PLA2G4A: variants seen among roughly 807,000 people sequenced by gnomAD.
PLA2G4A encodes the protein phospholipase A2 group IVA.
PLA2G4A carries 40 observed loss-of-function variants against 81.9 expected under a neutral mutation model. The ratio of observed to expected loss-of-function variants is 0.49; its 90% CI spans 0.38 to 0.64. The LOEUF is 0.64. PLA2G4A is among the 30% of genes least tolerant of loss of function. The pLI, the probability that PLA2G4A is intolerant of heterozygous loss-of-function variation, is 0.00. For missense variants in PLA2G4A, 715 were observed against 905.1 expected, an observed-to-expected ratio of 0.79 and a Z score of 2.69; for synonymous variants, 302 against 296.9, an observed-to-expected ratio of 1.02 and a Z score of -0.18.
In PLA2G4A at chr1:186,863,430, A is replaced by G. The variant is rs182056524; in HGVS notation, c.34-7005A>G. ...TGTTCCATTGTATTATACATTGTGT[A>G]ATAATTAAATCAAGATTTGTAGCAT... is the stretch of plus-strand genomic sequence containing the variant. On this transcript the variant is annotated intron_variant, in intron 2 of 17. Coordinates refer to ENST00000367466, the MANE Select transcript of PLA2G4A (RefSeq NM_024420.3). Among the ~76,000 whole-genome samples, 126 of 152,324 alleles carry G rather than the reference A, an allele frequency of 8.3e-4. 1 individual carries two copies. The highest frequency in any genetic ancestry group is 1.6e-3 in the Non-Finnish European group (107 of 68,038).
chr1:186,871,463 G>A (rs1018218824), intron 3 of PLA2G4A, among the ~76,000 whole-genome samples: 4 of 152,134 alleles, frequency 2.6e-5, no homozygotes, highest in Non-Finnish European at 5.9e-5. Flanking sequence ...AGAGAACAGA[G>A]ATTGCAATGT....
At chr1:186,922,588 A>T (rs1248870090) in intron 7 of PLA2G4A, among the ~76,000 whole-genome samples, 1 of 152,168 alleles carries the variant, frequency 6.6e-6, no homozygotes, top group Non-Finnish European at 1.5e-5. Context: ...CCCTGCAGGG[A>T]TGCTCCACAG....
At chr1:186,861,983 T>A (rs188518451) in intron 2 of PLA2G4A, among the ~76,000 whole-genome samples, 6 of 149,186 alleles carry the variant, frequency 4.0e-5, no homozygotes, top group Non-Finnish European at 7.4e-5. Flanking sequence ...TTAATTTATA[T>A]ATAATTATAT....
intron 15 of PLA2G4A, among the ~76,000 whole-genome samples, chr1:186,973,766 C>G (rs72714308): frequency 0.012 from 1,783 of 152,178 alleles, 22 homozygotes; most frequent in Middle Eastern, 0.037. Flanking sequence ...TACTAGCATG[C>G]CTTTTATTAA....
intron 14 of PLA2G4A, among the ~76,000 whole-genome samples, chr1:186,958,165 T>A (rs1173695694): frequency 6.6e-6 from 1 of 152,170 alleles, no homozygotes; most frequent in African/African-American, 2.4e-5. Flanking sequence ...TTTTGTGTTA[T>A]GTTTATGGCA....
intron 5 of PLA2G4A, among the ~76,000 whole-genome samples, chr1:186,904,939 C>T (rs1654681499): frequency 6.6e-6 from 1 of 152,102 alleles, no homozygotes; most frequent in Non-Finnish European, 1.5e-5. Context: ...ACTGCAACCT[C>T]CGCCTGCTGG....
chr1:186,949,314 AGAAG>A lies in PLA2G4A; in HGVS notation c.1265-1327_1265-1324del, dbSNP rs759733882. Among the ~76,000 whole-genome samples the A allele has an allele frequency of 6.0e-3, 867 of 144,132 alleles. 4 individuals are homozygous for A. The highest frequency in any genetic ancestry group is 8.5e-3 in the Non-Finnish European group (545 of 64,140). The allele number at this position is 144,132 out of a possible 152,430, so 94.6% of individuals were successfully genotyped here. On this transcript the variant is annotated intron_variant, in intron 12 of 17. Transcript: ENST00000367466. ...AAGAAGGAAAAAGAAAGAAAGAGAA[AGAAG>A]GAAGGAAGGAAGGAAAGAAGAAAGA...
At chr1:186,843,075 A>G (rs1014416424) in intron 1 of PLA2G4A, among the ~76,000 whole-genome samples, 2 of 152,146 alleles carry the variant, frequency 1.3e-5, no homozygotes, top group African/African-American at 4.8e-5. Context: ...ATTCTTTTGT[A>G]GAGATTGGTT....
chr1:186,944,691 A>G (rs1385517814), intron 10 of PLA2G4A, among the ~76,000 whole-genome samples: 4 of 152,196 alleles, frequency 2.6e-5, no homozygotes, highest in South Asian at 2.1e-4. Context: ...TGAACAAACA[A>G]TAAATATAGA....
At chr1:186,848,664 G>T (rs1652269849) in intron 1 of PLA2G4A, among the ~76,000 whole-genome samples, 1 of 152,074 alleles carries the variant, frequency 6.6e-6, no homozygotes, top group South Asian at 2.1e-4. Context: ...GAGATTAAAT[G>T]CCATGAGTCA....
chr1:186,987,996 C>T lies in PLA2G4A; in HGVS notation c.2119-381C>T, dbSNP rs563923111. Among the ~76,000 whole-genome samples the T allele has an allele frequency of 8.5e-5, 13 of 152,216 alleles. No homozygotes were observed. In the Middle Eastern group the frequency reaches 0.017, roughly 199 times the overall value. ...TTCCTGGTGGTCTTTTTCTACTTGC[C>T]CACTAATTATAAAGAACATAAATTA... On this transcript the variant is annotated intron_variant, in intron 17 of 17. Coordinates refer to ENST00000367466, the MANE Select transcript of PLA2G4A (RefSeq NM_024420.3).
intron 1 of PLA2G4A, among the ~76,000 whole-genome samples, chr1:186,840,763 G>C (rs565606553): frequency 6.6e-6 from 1 of 152,230 alleles, no homozygotes; most frequent in South Asian, 2.1e-4. Flanking sequence ...TGTTTTCCCT[G>C]AACTGTTTAC....
intron 15 of PLA2G4A, among the ~76,000 whole-genome samples, chr1:186,971,858 G>A (rs926231864): frequency 6.6e-6 from 1 of 151,936 alleles, no homozygotes; most frequent in Non-Finnish European, 1.5e-5. Context: ...GTAATAATTG[G>A]ATATATGCAA....
intron 17 of PLA2G4A, 133 bp from the exon 18 acceptor site, chr1:186,988,244 C>T: frequency 1.6e-6 from 1 of 640,538 alleles, no homozygotes; most frequent in African/African-American, 1.9e-5. Flanking sequence ...GTATGCATGA[C>T]TCGTAGATTT....
intron 13 of PLA2G4A, among the ~76,000 whole-genome samples, chr1:186,955,012 G>A (rs1656697750): frequency 6.6e-6 from 1 of 152,130 alleles, no homozygotes; most frequent in Non-Finnish European, 1.5e-5. Flanking sequence ...AGGAAATGGA[G>A]GAAGAGAAGG....
intron 8 of PLA2G4A, among the ~76,000 whole-genome samples, chr1:186,936,930 CTT>C (rs1655967891): frequency 6.6e-6 from 1 of 151,680 alleles, no homozygotes; most frequent in Admixed American, 6.6e-5. Flanking sequence ...AAGCTACTCT[CTT>C]TTTGAAACTT....
intron 5 of PLA2G4A, among the ~76,000 whole-genome samples, chr1:186,896,050 A>G (rs977997810): frequency 4.0e-5 from 6 of 151,554 alleles, no homozygotes; most frequent in Non-Finnish European, 8.8e-5. Context: ...GATATATTTT[A>G]TGGTTCAGTA....
At chr1:186,975,367 A>AAGTG (rs1381679188) in intron 15 of PLA2G4A, among the ~76,000 whole-genome samples, 29 of 152,340 alleles carry the variant, frequency 1.9e-4, no homozygotes, top group African/African-American at 7.0e-4. Flanking sequence ...TTTTATTCAT[A>AAGTG]AGTGGTGTTG....
At chr1:186,901,743 G>A (rs984879979) in intron 5 of PLA2G4A, among the ~76,000 whole-genome samples, 15 of 152,132 alleles carry the variant, frequency 9.9e-5, no homozygotes, top group Admixed American at 3.9e-4. Flanking sequence ...ATCATCAAAT[G>A]TAAGGAGGAA....
Sources: gnomAD v4.1 joint callset for allele counts (sites outside exome capture counted in the v4.1 genomes callset) on GRCh38, gnomAD v4.1.1 for gene constraint, MANE v1.5 for transcripts, NCBI Gene and HGNC (gene_info 2026-07-23, HGNC 2026-07-21) for gene names.